Variants in SYNE1 observed in about 807,000 individuals in gnomAD.
The protein encoded by SYNE1 is nesprin-1.
SYNE1 carries 616 observed loss-of-function variants against 1,111.0 expected under a neutral mutation model. The ratio of observed to expected loss-of-function variants is 0.55; its 90% CI spans 0.52 to 0.59. The LOEUF (loss-of-function observed/expected upper bound fraction) is 0.59, where lower values mean the gene tolerates loss of function less well. Among genes scored for constraint, SYNE1 ranks in the 20% least tolerant of loss-of-function variants. The probability of loss-of-function intolerance (pLI) is 0.00; values close to 1 mark genes in which losing one functional copy is unlikely to be tolerated. For missense variants in SYNE1, 10,006 were observed against 10,417.0 expected (o/e 0.96, Z 1.72); for synonymous variants, 3,855 against 3,825.8 (o/e 1.01, Z -0.28).
intron 72 of SYNE1, among the ~76,000 whole-genome samples, chr6:152,347,776 G>A (rs544336210): frequency 6.6e-6 from 1 of 150,608 alleles, no homozygotes; most frequent in Non-Finnish European, 1.5e-5. Context: ...CACCTCCCAG[G>A]TTCTAGCAAT....
chr6:152,202,346 C>CAAAAAAAAAAAAAAA (rs35563822), intron 126 of SYNE1, among the ~76,000 whole-genome samples: 4 of 48,052 alleles, frequency 8.3e-5, no homozygotes, highest in Admixed American at 4.1e-4. Flanking sequence ...GACTCTGTCT[C>CAAAAAAAAAAAAAAA]AAAAAAAAAA....
chr6:152,483,445 C>T (rs2098920282), intron 13 of SYNE1, among the ~76,000 whole-genome samples, 196 bp from the exon 14 acceptor site: 1 of 151,984 alleles, frequency 6.6e-6, no homozygotes, highest in South Asian at 2.1e-4. Flanking sequence ...CAGTTAAAAG[C>T]AAATTTTGAA....
intron 53 of SYNE1, among the ~76,000 whole-genome samples, chr6:152,388,927 G>A (rs1180553064): frequency 3.9e-5 from 6 of 152,164 alleles, no homozygotes; most frequent in South Asian, 2.1e-4. Context: ...CTTAGTTCAC[G>A]CTCCAGCAGT....
intron 7 of SYNE1, 41 bp from the exon 8 acceptor site, chr6:152,510,412 C>G (rs375977358): frequency 1.4e-5 from 23 of 1,599,368 alleles, no homozygotes; most frequent in Non-Finnish European, 1.8e-5. Context: ...TAAGCATTAT[C>G]TTTGTTATTA....
chr6:152,257,852 A>G (rs1406957075), intron 101 of SYNE1, among the ~76,000 whole-genome samples: 2 of 152,204 alleles, frequency 1.3e-5, no homozygotes, highest in African/African-American at 4.8e-5. Context: ...CATCTAAATC[A>G]TGCCAAAAAA....
In SYNE1 at chr6:152,326,037, G is replaced by A. The variant is rs1253650088; in HGVS notation, c.15359C>T (p.Thr5120Ile). 1 of 1,614,024 alleles carries A rather than the reference G, an allele frequency of 6.2e-7. No individual in the cohort carries two copies. The highest frequency in any genetic ancestry group is 8.5e-7 in the Non-Finnish European group (1 of 1,180,040). Residue 5120 changes from threonine to isoleucine, a missense_variant, in exon 80 of 146, where the codon ACA becomes ATA. By Grantham distance (89) the Thr-to-Ile change is moderately conservative. This residue lies in a region of SYNE1 where 4,955 missense variants were observed against 5,017.2 expected (regional missense o/e 0.99). Transcript: ENST00000367255. ...AGAAAACTCAGACAATTTCTTTTCTGTATCATTCATCAATTCAATAACCTC... is the reference window on the plus strand; with the variant it reads ...AGAAAACTCAGACAATTTCTTTTCTATATCATTCATCAATTCAATAACCTC... ...REEVIELMNDTEKKLSEFSLL... is the reference protein window; with the variant it reads ...REEVIELMNDIEKKLSEFSLL...
chr6:152,133,124 A>G, intron 143 of SYNE1, 152 bp downstream of exon 143: 1 of 741,838 alleles, frequency 1.3e-6, no homozygotes, highest in Non-Finnish European at 2.3e-6. Context: ...CTGCTTTTTT[A>G]TTTTGAGACA....
chr6:152,431,389 CAG>C (rs2098426624), intron 34 of SYNE1, among the ~76,000 whole-genome samples: 1 of 152,130 alleles, frequency 6.6e-6, no homozygotes, highest in Admixed American at 6.6e-5. Context: ...ATGTACTTGA[CAG>C]AGAAAAGCCC....
intron 3 of SYNE1, among the ~76,000 whole-genome samples, chr6:152,582,278 A>AT (rs1467161348): frequency 1.3e-5 from 2 of 152,064 alleles, no homozygotes; most frequent in Non-Finnish European, 2.9e-5. Context: ...TAATATCATC[A>AT]TATCTGGAAG....
intron 40 of SYNE1, among the ~76,000 whole-genome samples, chr6:152,417,388 C>T (rs7757558): frequency 0.2 from 29,865 of 151,986 alleles, 3,190 homozygotes; most frequent in East Asian, 0.36. Context: ...GTCCCAGCTA[C>T]TCGGGAGGCT....
At chr6:152,278,768 T>C (rs556401360) in intron 97 of SYNE1, among the ~76,000 whole-genome samples, 2 of 151,840 alleles carry the variant, frequency 1.3e-5, no homozygotes, top group Admixed American at 1.3e-4. Context: ...TGGCCCTTTT[T>C]TGTTTTTGTT....
chr6:152,617,820 C>G (rs904080251), intron 3 of SYNE1, among the ~76,000 whole-genome samples: 2 of 152,148 alleles, frequency 1.3e-5, no homozygotes, highest in Non-Finnish European at 2.9e-5. Context: ...AGGATTTGAG[C>G]TGAGTCTTGA....
chr6:152,289,657 C>A (rs751519899), intron 95 of SYNE1, among the ~76,000 whole-genome samples: 1 of 152,214 alleles, frequency 6.6e-6, no homozygotes, highest in South Asian at 2.1e-4. Context: ...GACGGAGTCT[C>A]GCTCTGTCGC....
At chr6:152,362,955 A>G (rs2096959399) in intron 63 of SYNE1, among the ~76,000 whole-genome samples, 1 of 150,746 alleles carries the variant, frequency 6.6e-6, no homozygotes, top group South Asian at 2.1e-4. Context: ...ATCTCGGCTC[A>G]CTGCAAGCTC....
At chr6:152,319,484 C>T (rs577235407) in intron 84 of SYNE1, among the ~76,000 whole-genome samples, 1 of 152,288 alleles carries the variant, frequency 6.6e-6, no homozygotes, top group East Asian at 1.9e-4. Context: ...CTTTTTGTAA[C>T]TTTCCGACTA....
chr6:152,620,351 A>G (rs2099672677), intron 3 of SYNE1, among the ~76,000 whole-genome samples: 1 of 152,128 alleles, frequency 6.6e-6, no homozygotes, highest in Non-Finnish European at 1.5e-5. Flanking sequence ...GTGCCAACCA[A>G]TCTCACAGCT....
At chr6:152,198,069 G>A (rs2074549983) in intron 127 of SYNE1, among the ~76,000 whole-genome samples, 1 of 151,406 alleles carries the variant, frequency 6.6e-6, no homozygotes, top group Admixed American at 6.6e-5. Context: ...AAAGAAAGAG[G>A]GAAGGAAGGA....
rs2080015866 is a variant in SYNE1, at chr6:152,220,846, C to T, written c.21857G>A (p.Cys7286Tyr). ...DDEVATWIQD[C>Y]NDLLKGLGTV... ...CAAGGTAGCTCCTGAACATACGTTGCAATCTTGAATCCATGTGGCAACCTC... is the reference window on the plus strand; with the variant it reads ...CAAGGTAGCTCCTGAACATACGTTGTAATCTTGAATCCATGTGGCAACCTC... Residue 7286 changes from cysteine (C) to tyrosine (Y), a missense_variant, in exon 119 of 146, where the codon TGC (cysteine) becomes TAC (tyrosine). By Grantham distance (194) the Cys-to-Tyr change is radical. Transcript: ENST00000367255. 1 of 1,613,596 alleles carries T rather than the reference C, an allele frequency of 6.2e-7. No individual in the cohort carries two copies. Among genetic ancestry groups the T allele is most frequent in the South Asian group, 1.1e-5 (1 of 91,060 alleles).
Position 152,155,004 on chromosome 6 carries a change from T to C in SYNE1, c.24017A>G (p.Asp8006Gly). ...CCAATCTTCAAAACGTGAATAGTCA[T>C]CCAGAAATTTCTGCCACAATCGCCA... ...ETWRLWQKFL[D>G]DYSRFEDWLK... Residue 8006 changes from aspartate to glycine, a missense_variant, in exon 133 of 146, where the codon GAT becomes GGT. Physicochemically the swap from Asp to Gly is moderately conservative, Grantham distance 94. Coordinates refer to ENST00000367255, the MANE Select transcript of SYNE1 (RefSeq NM_182961.4). 2 of 1,614,154 alleles carry C rather than the reference T, an allele frequency of 1.2e-6. No homozygotes were observed. Among genetic ancestry groups the C allele is most frequent in the Non-Finnish European group, 1.7e-6 (2 of 1,180,016 alleles).
Sources: allele counts gnomAD v4.1 joint callset (sites outside exome capture counted in the v4.1 genomes callset), GRCh38; gene constraint gnomAD v4.1.1; regional missense constraint gnomAD v4.1.1; transcripts MANE v1.5; gene names NCBI Gene and HGNC (gene_info 2026-07-23, HGNC 2026-07-21).